Variants in HLF observed in about 807,000 individuals in gnomAD.
The protein encoded by HLF is HLF transcription factor, PAR bZIP family member, also known as hepatic leukemia factor.
HLF carries 3 observed loss-of-function variants against 22.6 expected under a neutral mutation model. The observed-to-expected ratio is 0.13, with a 90% CI of 0.06 to 0.34. HLF has a LOEUF of 0.34. Among genes scored for constraint, HLF ranks in the 10% least tolerant of loss-of-function variants. The pLI, the probability that HLF is intolerant of heterozygous loss-of-function variation, is 1.00. For missense variants in HLF, 299 were observed against 389.2 expected (o/e 0.77, Z 1.95); for synonymous variants, 151 against 151.8 (o/e 0.99, Z 0.04).
chr17:55,306,180 C>T (rs1755923940), intron 2 of HLF, among the ~76,000 whole-genome samples: 1 of 151,914 alleles, frequency 6.6e-6, no homozygotes, highest in Non-Finnish European at 1.5e-5. Context: ...ATGATCACGC[C>T]ACTACACTGC....
At chr17:55,290,761 G>A (rs1445969129) in intron 2 of HLF, among the ~76,000 whole-genome samples, 5 of 152,204 alleles carry the variant, frequency 3.3e-5, no homozygotes, top group Non-Finnish European at 7.3e-5. Context: ...AATTTTGAAG[G>A]TAGGTCGAAA....
intron 2 of HLF, among the ~76,000 whole-genome samples, chr17:55,288,411 G>GTGC (rs2081026115): frequency 6.6e-6 from 1 of 152,100 alleles, no homozygotes; most frequent in Non-Finnish European, 1.5e-5. Flanking sequence ...GCTTCCCAAA[G>GTGC]TGCTGGGATT....
intron 2 of HLF, among the ~76,000 whole-genome samples, chr17:55,270,868 G>T (rs868017564): frequency 9.3e-4 from 142 of 151,916 alleles, no homozygotes; most frequent in Middle Eastern, 6.8e-3. Context: ...GGTCTCGATC[G>T]CCTGACCTCG....
chr17:55,265,509 C>G lies in HLF; in HGVS notation c.25C>G (p.Pro9Ala). Residue 9 changes from proline (P) to alanine (A), a missense_variant, in exon 1 of 4, where the codon CCC (proline) becomes GCC (alanine). By Grantham distance (27) the Pro-to-Ala change is conservative (BLOSUM62 -1). Around this residue, in one of 3 missense-constraint regions of HLF, gnomAD observed 72 missense variants for 74.0 expected, o/e 0.97. Transcript: ENST00000226067. ...GATGGAGAAAATGTCCCGACCGCTC[C>G]CCCTGAATCCCACCTTTATCCCGCC... is the stretch of plus-strand genomic sequence containing the variant. MEKMSRPLPLNPTFIPPPY... is the reference protein window; with the variant it reads MEKMSRPLALNPTFIPPPY... 1 of 1,608,302 alleles carries G rather than the reference C, an allele frequency of 6.2e-7. No homozygotes were observed. Among genetic ancestry groups the G allele is most frequent in the Non-Finnish European group, 8.5e-7 (1 of 1,176,892 alleles).
chr17:55,311,192 C>G (rs1904812171), intron 2 of HLF, among the ~76,000 whole-genome samples: 1 of 152,024 alleles, frequency 6.6e-6, no homozygotes, highest in South Asian at 2.1e-4. Context: ...GAACAAATAA[C>G]CAATAAACAT....
chr17:55,271,095 T>C (rs1228112723), intron 2 of HLF, among the ~76,000 whole-genome samples: 5 of 152,120 alleles, frequency 3.3e-5, no homozygotes, highest in Admixed American at 2.0e-4. Context: ...ATACAGTCAC[T>C]CCCGGTGGAG....
In HLF at chr17:55,320,681, A is replaced by C. The variant is rs756736661; in HGVS notation, c.690A>C (p.Ala230=). The change falls in exon 4 of 4, where the codon GCA becomes GCC. Residue 230 remains alanine, a synonymous_variant. Transcript: ENST00000226067. This position sits in a 1 kb window ranked among gnomAD's most constrained non-coding sequence, Gnocchi z 4.2. Reference sequence around the variant, plus strand: ...ATGAGCAGGATGACAAGTACTGGGCAAGGCGCAGAAAGAACAACATGGCAG... The same window carrying C: ...ATGAGCAGGATGACAAGTACTGGGCCAGGCGCAGAAAGAACAACATGGCAG... ...PDDLKDDKYW[A]RRRKNNMAAK... The C allele has an allele frequency of 6.2e-7, 1 of 1,614,140 alleles. No homozygotes were observed. The highest frequency in any genetic ancestry group is 8.5e-7 in the Non-Finnish European group (1 of 1,179,982).
chr17:55,324,790 A>AGTGTGTGTGTGTGT lies in HLF; in HGVS notation c.*3917_*3930dup, dbSNP rs72476932. The AGTGTGTGTGTGTGT allele has an allele frequency of 2.2e-5, 4 of 185,574 alleles. No individual in the cohort carries two copies. The highest frequency in any genetic ancestry group is 6.9e-5 in the African/African-American group (3 of 43,180). 11.5% of individuals were successfully genotyped at this position (185,574 alleles called of 1,614,324 possible). ...CATTTTGCAGGAGGCTAAGTGTAAGAGTGTGTGTGTGTGTGTGTGCGTGCA... is the reference window on the plus strand; with the variant it reads ...CATTTTGCAGGAGGCTAAGTGTAAGAGTGTGTGTGTGTGTGTGTGTGTGTGTGTGTGTGCGTGCA... On this transcript the variant is annotated 3_prime_UTR_variant, in exon 4 of 4. Transcript: ENST00000226067.
chr17:55,268,881 C>G (rs2080823861), intron 2 of HLF, among the ~76,000 whole-genome samples: 1 of 152,200 alleles, frequency 6.6e-6, no homozygotes, highest in African/African-American at 2.4e-5. Context: ...AAACCCACTG[C>G]TAATGCTCAG....
chr17:55,304,123 C>T (rs527378694), intron 2 of HLF, among the ~76,000 whole-genome samples: 5 of 152,084 alleles, frequency 3.3e-5, no homozygotes, highest in Non-Finnish European at 7.4e-5. Flanking sequence ...TGAAATATAC[C>T]TCATGTGGGT....
At chr17:55,272,609 G>A (rs1202135701) in intron 2 of HLF, 1 of 152,280 alleles carries the variant, frequency 6.6e-6, no homozygotes, top group Non-Finnish European at 1.5e-5. Context: ...AGAACCCATT[G>A]TACCTTTGCA....
In HLF at chr17:55,295,055, A is replaced by G. The variant is rs532592686; in HGVS notation, c.452-20172A>G. ...GGTGCTGGTAATTCAGAGATAAGGA[A>G]GATGTCATCCTTTAAACTTGAGAAG... On this transcript the variant is annotated intron_variant, in intron 2 of 3. Transcript: ENST00000226067. Among the ~76,000 whole-genome samples the G allele has an allele frequency of 5.3e-5, 8 of 152,330 alleles. No homozygotes were observed. The East Asian group carries it at 1.5e-3, about 29-fold the overall frequency.
intron 2 of HLF, among the ~76,000 whole-genome samples, chr17:55,310,239 G>C (rs555801329): frequency 1.6e-4 from 24 of 152,184 alleles, no homozygotes; most frequent in African/African-American, 5.8e-4. Flanking sequence ...CAAAAAAAAC[G>C]AAAAACAATG....
intron 2 of HLF, among the ~76,000 whole-genome samples, chr17:55,279,787 A>C (rs1380668755): frequency 1.3e-5 from 2 of 152,188 alleles, no homozygotes; most frequent in Non-Finnish European, 2.9e-5. Context: ...TCAGATTAGC[A>C]TTCCCACCAA....
chr17:55,305,988 T>C (rs1051292224), intron 2 of HLF, among the ~76,000 whole-genome samples: 1 of 152,222 alleles, frequency 6.6e-6, no homozygotes, highest in Non-Finnish European at 1.5e-5. Context: ...GGAAAATGGG[T>C]ATATGAACTA....
intron 2 of HLF, among the ~76,000 whole-genome samples, chr17:55,281,710 T>C (rs548609713): frequency 2.0e-5 from 3 of 152,354 alleles, no homozygotes; most frequent in African/African-American, 7.2e-5. Flanking sequence ...AGAAATGATA[T>C]TGGTCCCTGG....
chr17:55,287,337 G>A (rs1304499605), intron 2 of HLF, among the ~76,000 whole-genome samples: 1 of 152,174 alleles, frequency 6.6e-6, no homozygotes, highest in Non-Finnish European at 1.5e-5. Context: ...TCTCATAGTT[G>A]ATGATTGAGA....
At chr17:55,273,997 G>A (rs1328019045) in intron 2 of HLF, among the ~76,000 whole-genome samples, 3 of 152,100 alleles carry the variant, frequency 2.0e-5, no homozygotes, top group African/African-American at 7.2e-5. Context: ...CAGGATTCCT[G>A]GAGGCCAGCT....
Position 55,301,853 on chromosome 17 carries a change from A to G in HLF, c.452-13374A>G, listed in dbSNP as rs192609475. Among the ~76,000 whole-genome samples, 8 of 152,346 alleles carry G rather than the reference A, an allele frequency of 5.3e-5. No homozygotes were observed. In the East Asian group the frequency reaches 1.5e-3, roughly 29 times the overall value. ...GATCTTGCAGTTGTCCAAGTTCCTC[A>G]TGACTGCACCTGTCTTGTGACAGGG... On this transcript the variant is annotated intron_variant, in intron 2 of 3. Transcript: ENST00000226067.
Sources: allele counts gnomAD v4.1 joint callset (sites outside exome capture counted in the v4.1 genomes callset), GRCh38; gene constraint gnomAD v4.1.1; regional missense constraint gnomAD v4.1.1; non-coding constraint Gnocchi (gnomAD v3.1); transcripts MANE v1.5; gene names NCBI Gene and HGNC (gene_info 2026-07-23, HGNC 2026-07-21).